Variants in MAP9 observed in about 807,000 individuals in gnomAD.
The protein encoded by MAP9 is microtubule associated protein 9.
MAP9 carries 80 observed loss-of-function variants against 75.2 expected under a neutral mutation model. The ratio of observed to expected loss-of-function variants is 1.06; its 90% confidence interval spans 0.89 to 1.28. The LOEUF is 1.28. Among genes scored for constraint, MAP9 ranks in the 50% most tolerant of loss-of-function variants. The pLI is 0.00. For synonymous variants in MAP9, 235 were observed against 237.3 expected, an observed-to-expected ratio of 0.99 and a Z score of 0.09; for missense variants, 753 against 719.9, an observed-to-expected ratio of 1.05 and a Z score of -0.53.
intron 4 of MAP9, 165 bp downstream of exon 4, chr4:155,372,971 G>T (rs1732667884): frequency 4.0e-6 from 2 of 505,946 alleles, no homozygotes; most frequent in Non-Finnish European, 6.8e-6. Flanking sequence ...AAATACAACA[G>T]GTCTGTAAAA....
At chr4:155,355,949 T>C (rs1731762897) in intron 8 of MAP9, 65 bp from the exon 9 acceptor site, 15 of 1,383,044 alleles carry the variant, frequency 1.1e-5, no homozygotes, top group South Asian at 1.0e-4. Flanking sequence ...AGAGATCTGT[T>C]AGAATATGCA....
At chr4:155,360,536 G>T in intron 6 of MAP9, 121 bp from the exon 7 acceptor site, 2 of 943,598 alleles carry the variant, frequency 2.1e-6, no homozygotes, top group Non-Finnish European at 3.1e-6. Context: ...TGCAAAATAT[G>T]AAGAAAAGTT....
intron 13 of MAP9, among the ~76,000 whole-genome samples, chr4:155,350,589 AT>A (rs1042148833): frequency 7.9e-5 from 12 of 151,454 alleles, no homozygotes; most frequent in African/African-American, 1.2e-4. Flanking sequence ...TGGACTTTAA[AT>A]TTTTTTTTAG....
chr4:155,350,581 G>T (rs1731468634), intron 13 of MAP9, among the ~76,000 whole-genome samples: 1 of 151,848 alleles, frequency 6.6e-6, no homozygotes, highest in Admixed American at 6.6e-5. Context: ...AATATAAGTG[G>T]ACTTTAAATT....
At chr4:155,349,554 G>A (rs1731418857) in intron 13 of MAP9, 1 of 152,146 alleles carries the variant, frequency 6.6e-6, no homozygotes, top group Admixed American at 6.6e-5. Context: ...CAAACAAAGT[G>A]AAGTGGGAGG....
rs78043958 is a variant in MAP9 at position 155,360,318 on chromosome 4, C to T, written c.900G>A (p.Glu300=). The T allele has an allele frequency of 2.3e-4, 364 of 1,613,088 alleles. No individual in the cohort carries two copies. In the African/African-American group the frequency reaches 2.8e-3, roughly 12 times the overall value. The stretch of plus-strand genomic sequence containing the variant: ...CAGTCACTTGACTTTCCTTGGATTT[C>T]TCAACTGCAGTAGTCACATGGTCTG... ...FSADHVTTAV[E]KSKESQVTAD... Residue 300 remains glutamate (E), a synonymous_variant, in exon 7 of 14, where the codon GAG becomes GAA. Coordinates refer to ENST00000311277, the MANE Select transcript of MAP9 (RefSeq NM_001039580.2).
At chr4:155,369,565 C>T (rs72694408) in intron 4 of MAP9, among the ~76,000 whole-genome samples, 9,652 of 152,198 alleles carry the variant, frequency 0.063, 371 homozygotes, top group Middle Eastern at 0.13. Flanking sequence ...GCCCTGTACA[C>T]GTTACTAAAC....
rs1731255422 is a variant in MAP9, at chr4:155,345,567, T to A, written c.*2216A>T. 1.3e-5 allele frequency: 2 copies of A among 152,122 alleles called. No homozygotes were observed. Among genetic ancestry groups the A allele is most frequent in the Non-Finnish European group, 2.9e-5 (2 of 67,992 alleles). 9.4% of individuals were successfully genotyped at this position (152,122 alleles called of 1,614,324 possible). A position where few individuals can be genotyped will look rare whatever the true frequency, so the allele number is the denominator to read the frequency against. On this transcript the variant is annotated 3_prime_UTR_variant, in exon 14 of 14. Coordinates refer to ENST00000311277, the MANE Select transcript of MAP9 (RefSeq NM_001039580.2). ...CCATTATCAACCCTATCTATGTTAA[T>A]GTTCGCACACTCATGAATGGGGAAA...
At chr4:155,374,866 G>A (rs1732768339) in intron 3 of MAP9, 71 bp downstream of exon 3, 2 of 927,334 alleles carry the variant, frequency 2.2e-6, no homozygotes, top group Admixed American at 2.2e-5. Context: ...GGTGGTTGGG[G>A]GGCTGGCTAA....
intron 13 of MAP9, chr4:155,351,137 G>A (rs1480241109): frequency 6.6e-6 from 1 of 151,868 alleles, no homozygotes; most frequent in African/African-American, 2.4e-5. Flanking sequence ...AATAATGGAA[G>A]TGTGGCACTG....
intron 7 of MAP9, among the ~76,000 whole-genome samples, chr4:155,358,542 G>C (rs563720146): frequency 7.4e-4 from 113 of 152,228 alleles, no homozygotes; most frequent in African/African-American, 2.6e-3. Flanking sequence ...ACACAGAGCT[G>C]CTAGCTAATT....
intron 4 of MAP9, among the ~76,000 whole-genome samples, chr4:155,371,933 T>G (rs1410246278): frequency 6.6e-6 from 1 of 152,218 alleles, no homozygotes; most frequent in African/African-American, 2.4e-5. Context: ...AGTTAATTGT[T>G]TCATTATGCA....
At chr4:155,362,399 A>C (rs1314830251) in intron 5 of MAP9, 8 of 304,646 alleles carry the variant, frequency 2.6e-5, no homozygotes, top group Admixed American at 2.5e-4. Context: ...CCACCTCTCT[A>C]TTTATTTTTT....
At chr4:155,373,074 G>A in intron 4 of MAP9, 62 bp downstream of exon 4, 1 of 1,128,444 alleles carries the variant, frequency 8.9e-7, no homozygotes. Flanking sequence ...TAAAAATTTT[G>A]GGACTGATTA....
chr4:155,358,413 G>A (rs781616465), intron 7 of MAP9, among the ~76,000 whole-genome samples: 1 of 152,046 alleles, frequency 6.6e-6, no homozygotes, highest in Non-Finnish European at 1.5e-5. Flanking sequence ...GATATACCTG[G>A]AACATGGCTT....
chr4:155,353,906 T>C (rs1201176415), intron 10 of MAP9, among the ~76,000 whole-genome samples: 1 of 152,218 alleles, frequency 6.6e-6, no homozygotes, highest in Non-Finnish European at 1.5e-5. Flanking sequence ...TAGCAAGTTA[T>C]GTTATTATTT....
intron 13 of MAP9, chr4:155,350,948 A>G (rs1310015373): frequency 6.6e-6 from 1 of 151,866 alleles, no homozygotes; most frequent in South Asian, 2.1e-4. Flanking sequence ...TAAGTTTATT[A>G]TTGTTTTATC....
chr4:155,345,753 G>C lies in MAP9; in HGVS notation c.*2030C>G, dbSNP rs1731261991. The C allele has an allele frequency of 6.6e-6, 1 of 152,088 alleles. No individual in the cohort carries two copies. The highest frequency in any genetic ancestry group is 6.6e-5 in the Admixed American group (1 of 15,254). 9.4% of individuals were successfully genotyped at this position (152,088 alleles called of 1,614,324 possible). A position where few individuals can be genotyped will look rare whatever the true frequency, so the allele number is the denominator to read the frequency against. ...ATAATGTAGAAGAAAATAATGGAAA[G>C]TAAATAAATAATGTGAAATCTATAA... On this transcript the variant is annotated 3_prime_UTR_variant, in exon 14 of 14. Coordinates refer to ENST00000311277, the MANE Select transcript of MAP9 (RefSeq NM_001039580.2).
intron 4 of MAP9, among the ~76,000 whole-genome samples, chr4:155,369,406 A>G (rs922817975): frequency 1.3e-5 from 2 of 151,806 alleles, no homozygotes; most frequent in African/African-American, 4.8e-5. Flanking sequence ...CCTGAAAGTA[A>G]CCAGTCACAA....
Sources: allele counts gnomAD v4.1 joint callset (sites outside exome capture counted in the v4.1 genomes callset), GRCh38; gene constraint gnomAD v4.1.1; transcripts MANE v1.5; gene names NCBI Gene and HGNC (gene_info 2026-07-23, HGNC 2026-07-21).